DRGX: variants seen among roughly 807,000 people sequenced by gnomAD.
DRGX encodes the protein dorsal root ganglia homeobox protein.
DRGX carries 21 observed loss-of-function variants against 28.6 expected under a neutral mutation model. The ratio of observed to expected loss-of-function variants is 0.73; its 90% CI spans 0.52 to 1.06. The LOEUF is 1.06. DRGX is among the 50% of genes least tolerant of loss of function. The pLI is 0.00. For missense variants in DRGX, 354 were observed against 343.9 expected, an observed-to-expected ratio of 1.03 and a Z score of -0.23; for synonymous variants, 136 against 139.1, an observed-to-expected ratio of 0.98 and a Z score of 0.16.
At position 49,386,728 on chromosome 10, in the gene DRGX, G is replaced by A; in HGVS notation, c.365C>T (p.Pro122Leu). ...PPVRNINSPP[P>L]GDQARSKKEA... ...CTTCTTACTCCGGGCTTGGTCCCCA[G>A]GGGGCGGGGAGTTGATGTTTCTCAC... The change falls in exon 5 of 7, where the codon CCT becomes CTT. Residue 122 changes from proline to leucine, a missense_variant. Physicochemically the swap from Pro to Leu is moderately conservative, Grantham distance 98. Transcript: ENST00000374139. The A allele has an allele frequency of 2.5e-6, 4 of 1,601,618 alleles. No individual in the cohort carries two copies. Among genetic ancestry groups the A allele is most frequent in the South Asian group, 1.1e-5 (1 of 88,682 alleles).
At chr10:49,376,806 G>C (rs1849722284) in intron 6 of DRGX, among the ~76,000 whole-genome samples, 1 of 152,128 alleles carries the variant, frequency 6.6e-6, no homozygotes, top group Admixed American at 6.5e-5. Flanking sequence ...CACAGCTCAA[G>C]CATCTTCTCT....
chr10:49,385,142 C>T (rs1026807534), intron 6 of DRGX, among the ~76,000 whole-genome samples: 1 of 152,200 alleles, frequency 6.6e-6, no homozygotes, highest in Admixed American at 6.5e-5. Context: ...CAATGTTGCT[C>T]TATGGGGTTG....
chr10:49,382,231 G>A (rs1425123313), intron 6 of DRGX, among the ~76,000 whole-genome samples: 3 of 152,204 alleles, frequency 2.0e-5, no homozygotes, highest in Admixed American at 6.5e-5. Context: ...TCAGGAACCT[G>A]AGGACAGCAG....
At chr10:49,387,862 AT>A (rs1849857356) in intron 4 of DRGX, among the ~76,000 whole-genome samples, 1 of 152,202 alleles carries the variant, frequency 6.6e-6, no homozygotes, top group Non-Finnish European at 1.5e-5. Flanking sequence ...GCCTAAGGCT[AT>A]CCAGGTGGTA....
At chr10:49,390,506 G>C (rs1302024114) in intron 3 of DRGX, among the ~76,000 whole-genome samples, 1 of 152,148 alleles carries the variant, frequency 6.6e-6, no homozygotes, top group African/African-American at 2.4e-5. Flanking sequence ...TTACATTTAA[G>C]TATTGTCATA....
intron 6 of DRGX, among the ~76,000 whole-genome samples, chr10:49,368,734 A>G (rs1336807821): frequency 2.6e-5 from 4 of 152,258 alleles, no homozygotes; most frequent in Non-Finnish European, 5.9e-5. Context: ...TGGAGAGGGT[A>G]TGCTGTAGAT....
intron 2 of DRGX, among the ~76,000 whole-genome samples, chr10:49,392,588 C>A (rs1447301739): frequency 6.6e-6 from 1 of 152,212 alleles, no homozygotes; most frequent in Non-Finnish European, 1.5e-5. Context: ...GGAACACAAT[C>A]TCTGAGGATC....
chr10:49,394,566 C>T (rs549072230), intron 2 of DRGX, among the ~76,000 whole-genome samples: 1 of 152,370 alleles, frequency 6.6e-6, no homozygotes, highest in East Asian at 1.9e-4. Flanking sequence ...ATTGGCTCAC[C>T]TGATGGCTAC....
At chr10:49,377,893 T>C (rs115096331) in intron 6 of DRGX, among the ~76,000 whole-genome samples, 1 of 152,048 alleles carries the variant, frequency 6.6e-6, no homozygotes, top group Non-Finnish European at 1.5e-5. Flanking sequence ...TACCAAAACC[T>C]GGAATGGAGA....
At position 49,386,869 on chromosome 10, in the gene DRGX, G is replaced by C. The variant is rs752837608; in HGVS notation, c.235-11C>G. 23 of 1,536,070 alleles carry C rather than the reference G, an allele frequency of 1.5e-5. No individual in the cohort carries two copies. The South Asian group carries it at 2.1e-4, about 14-fold the overall frequency. On this transcript the variant is annotated splice_polypyrimidine_tract_variant and intron_variant, in intron 4 of 6. Transcript: ENST00000374139. ...GTTCTGGAACCAAACCTGAATCCCAGATGGAAACATACACCCAGTGAAAAT... is the reference window on the plus strand; with the variant it reads ...GTTCTGGAACCAAACCTGAATCCCACATGGAAACATACACCCAGTGAAAAT...
intron 6 of DRGX, among the ~76,000 whole-genome samples, chr10:49,373,489 G>C (rs181633144): frequency 1.3e-4 from 20 of 152,230 alleles, no homozygotes; most frequent in Admixed American, 1.0e-3. Flanking sequence ...AAACCCCAAG[G>C]TGACAGCATT....
intron 6 of DRGX, among the ~76,000 whole-genome samples, chr10:49,383,262 G>T (rs1158300601): frequency 6.6e-6 from 1 of 152,220 alleles, no homozygotes; most frequent in African/African-American, 2.4e-5. Context: ...ATGGCAGGTT[G>T]CCTGGTAGAG....
In DRGX at chr10:49,392,543, C is replaced by CT. The variant is rs570371156; in HGVS notation, c.35-1283dup. 3.3e-3 allele frequency among the ~76,000 whole-genome samples: 504 copies of CT among 152,274 alleles called. 1 individual carries two copies. The highest frequency in any genetic ancestry group is 0.011 in the African/African-American group (457 of 41,540). ...ATTACTTTGCAAGAAAACAAATTGT[C>CT]TTTTTTTGAAACAATGCACTTGACT... On this transcript the variant is annotated intron_variant, in intron 2 of 6. Transcript: ENST00000374139.
chr10:49,366,160 T>C lies in DRGX; in HGVS notation c.748A>G (p.Thr250Ala). The C allele has an allele frequency of 6.2e-7, 1 of 1,610,824 alleles. No individual in the cohort carries two copies. Among genetic ancestry groups the C allele is most frequent in the Non-Finnish European group, 8.5e-7 (1 of 1,178,204 alleles). ...TCGCTCTGTTCCTTGGTGGGAGAGG[T>C]CTTTTCCTGGCTGCCATCTGGGGGC... ...PAPPDGSQEK[T>A]SPTKEQSEAE... Residue 250 changes from threonine to alanine, a missense_variant, in exon 7 of 7, where the codon ACC becomes GCC. Transcript: ENST00000374139.
intron 6 of DRGX, among the ~76,000 whole-genome samples, chr10:49,367,575 C>T (rs1849614230): frequency 1.3e-5 from 2 of 152,172 alleles, no homozygotes. Context: ...GTCTGAGAAC[C>T]TCAGAGGGAA....
At chr10:49,382,011 C>A (rs1015563348) in intron 6 of DRGX, among the ~76,000 whole-genome samples, 1 of 151,930 alleles carries the variant, frequency 6.6e-6, no homozygotes, top group African/African-American at 2.4e-5. Flanking sequence ...TAGAAGGGGC[C>A]CCAGGGCTCA....
At chr10:49,381,783 C>T (rs1213615338) in intron 6 of DRGX, among the ~76,000 whole-genome samples, 2 of 152,280 alleles carry the variant, frequency 1.3e-5, no homozygotes, top group Admixed American at 1.3e-4. Context: ...GGGAGCAGCA[C>T]CCAGGGGGTA....
intron 6 of DRGX, among the ~76,000 whole-genome samples, chr10:49,366,696 C>A (rs1849605549): frequency 6.6e-6 from 1 of 152,214 alleles, no homozygotes; most frequent in Non-Finnish European, 1.5e-5. Flanking sequence ...TGGGGTAATA[C>A]CTACATTGCA....
At chr10:49,369,824 A>G (rs1849635906) in intron 6 of DRGX, among the ~76,000 whole-genome samples, 1 of 151,718 alleles carries the variant, frequency 6.6e-6, no homozygotes, top group Non-Finnish European at 1.5e-5. Context: ...GGGCAAAGTG[A>G]TCCAGGAAGA....
Sources: allele counts gnomAD v4.1 joint callset (sites outside exome capture counted in the v4.1 genomes callset), GRCh38; gene constraint gnomAD v4.1.1; transcripts MANE v1.5; gene names NCBI Gene and HGNC (gene_info 2026-07-23, HGNC 2026-07-21).